PTPRT: variants seen among roughly 807,000 people sequenced by gnomAD.
PTPRT encodes protein tyrosine phosphatase receptor type T.
PTPRT carries 56 observed loss-of-function variants against 176.8 expected under a neutral mutation model. The ratio of observed to expected loss-of-function variants is 0.32; its 90% CI spans 0.26 to 0.40. The LOEUF is 0.40. PTPRT is among the 10% of genes least tolerant of loss of function. The pLI, the probability that PTPRT is intolerant of heterozygous loss-of-function variation, is 1.00. For synonymous variants in PTPRT, 783 were observed against 739.0 expected (o/e 1.06, Z -0.96); for missense variants, 1,540 against 1,908.2 (o/e 0.81, Z 3.60).
intron 1 of PTPRT, among the ~76,000 whole-genome samples, chr20:43,083,521 G>T (rs1408979168): frequency 6.6e-6 from 1 of 150,914 alleles, no homozygotes; most frequent in Non-Finnish European, 1.5e-5. Flanking sequence ...ACACCTGCCT[G>T]GCTCATTTTT....
chr20:43,059,534 C>A (rs916384660), intron 1 of PTPRT, among the ~76,000 whole-genome samples: 1 of 152,218 alleles, frequency 6.6e-6, no homozygotes, highest in African/African-American at 2.4e-5. Flanking sequence ...ACGTGGCTCT[C>A]ATCTCCAACT....
chr20:42,867,997 T>C (rs1451977582), intron 2 of PTPRT, among the ~76,000 whole-genome samples: 12 of 152,154 alleles, frequency 7.9e-5, no homozygotes, highest in Non-Finnish European at 1.6e-4. Context: ...ATCACACATT[T>C]TGTGGCATTT....
chr20:42,366,828 G>C (rs1203167867), intron 9 of PTPRT, among the ~76,000 whole-genome samples: 1 of 152,218 alleles, frequency 6.6e-6, no homozygotes, highest in Non-Finnish European at 1.5e-5. Flanking sequence ...GGATTGCAGA[G>C]TAAAACCCAC....
At chr20:42,518,027 A>G (rs979759707) in intron 7 of PTPRT, among the ~76,000 whole-genome samples, 1 of 151,986 alleles carries the variant, frequency 6.6e-6, no homozygotes, top group African/African-American at 2.4e-5. Flanking sequence ...GAATATATTA[A>G]TATTGCTTAT....
rs16986710 is a variant in PTPRT at position 42,244,798 on chromosome 20, C to T, written c.2312+3889G>A. On this transcript the variant is annotated intron_variant, in intron 14 of 30. Coordinates refer to ENST00000373187, the MANE Select transcript of PTPRT (RefSeq NM_007050.6). Reference sequence around the variant, plus strand: ...TTCTCATATGTGAGTGGCTAATGAACACTTTCAACTATTGAGACATGCTGG... The same window carrying T: ...TTCTCATATGTGAGTGGCTAATGAATACTTTCAACTATTGAGACATGCTGG... 7.4e-3 allele frequency among the ~76,000 whole-genome samples: 1,130 copies of T among 152,332 alleles called. 9 individuals carry two copies. The highest frequency in any genetic ancestry group is 9.9e-3 in the Admixed American group (151 of 15,302).
At chr20:42,663,576 C>G (rs967799496) in intron 7 of PTPRT, among the ~76,000 whole-genome samples, 2 of 152,102 alleles carry the variant, frequency 1.3e-5, no homozygotes, top group African/African-American at 4.8e-5. Flanking sequence ...GGCTCATGTG[C>G]TCTTTTTGAA....
chr20:42,786,609 T>A lies in PTPRT; in HGVS notation c.486+4586A>T, dbSNP rs78410438. Among the ~76,000 whole-genome samples the A allele has an allele frequency of 1.4e-4, 21 of 152,144 alleles. 1 individual carries two copies. The highest frequency in any genetic ancestry group is 4.8e-4 in the African/African-American group (20 of 41,412). ...CATAGGGGGTACTCCAGAAATGTCC[T>A]TTCCCCCCATGCCTCATCCAAAAGC... On this transcript the variant is annotated intron_variant, in intron 3 of 30. Coordinates refer to ENST00000373187, the MANE Select transcript of PTPRT (RefSeq NM_007050.6).
At chr20:42,053,371 C>G in the PTPRT span, among the ~76,000 whole-genome samples, 1 of 152,132 alleles carries the variant, frequency 6.6e-6, no homozygotes, top group Admixed American at 6.5e-5. Flanking sequence ...CTTCCCAGCC[C>G]AGGATGCCTT....
chr20:42,455,977 A>G (rs865967136), intron 8 of PTPRT, among the ~76,000 whole-genome samples: 1 of 152,136 alleles, frequency 6.6e-6, no homozygotes, highest in Admixed American at 6.5e-5. Flanking sequence ...TTTGAATTTT[A>G]GTTGCATGTA....
At chr20:42,100,236 C>T (rs186959811) in intron 26 of PTPRT, among the ~76,000 whole-genome samples, 182 of 152,334 alleles carry the variant, frequency 1.2e-3, no homozygotes, top group Admixed American at 2.5e-3. Context: ...CCTGACAAAG[C>T]CTTATCTGAA....
intron 6 of PTPRT, chr20:42,687,625 A>C (rs2075720609): frequency 6.6e-6 from 1 of 152,194 alleles, no homozygotes; most frequent in Non-Finnish European, 1.5e-5. Context: ...CTGGATTCTA[A>C]AGCTTTGGAA....
intron 7 of PTPRT, among the ~76,000 whole-genome samples, chr20:42,506,225 A>C (rs1299339555): frequency 6.6e-6 from 1 of 152,212 alleles, no homozygotes; most frequent in Non-Finnish European, 1.5e-5. Flanking sequence ...TACATTTATC[A>C]ATAAGTATGT....
In PTPRT at chr20:42,217,418, C is replaced by T. The variant is rs2055802044; in HGVS notation, c.2343-18030G>A. 4.5e-5 allele frequency among the ~76,000 whole-genome samples: 4 copies of T among 89,868 alleles called. No homozygotes were observed. In the South Asian group the frequency reaches 1.3e-3, roughly 28 times the overall value. The allele number at this position is 89,868 out of a possible 152,430, so 59.0% of individuals were successfully genotyped here. On this transcript the variant is annotated intron_variant, in intron 15 of 30. Coordinates refer to ENST00000373187, the MANE Select transcript of PTPRT (RefSeq NM_007050.6). Reference sequence around the variant, plus strand: ...ACACACACACACACACACACACACACACACACAGAACATTACGTCCATCCC... The same window carrying T: ...ACACACACACACACACACACACACATACACACAGAACATTACGTCCATCCC...
intron 1 of PTPRT, chr20:42,966,347 T>C (rs1017083383): frequency 4.6e-5 from 7 of 152,244 alleles, no homozygotes; most frequent in Admixed American, 4.6e-4. Context: ...TAATATTTCA[T>C]AAACTTATCG....
the PTPRT span, among the ~76,000 whole-genome samples, chr20:42,059,943 G>A: frequency 9.9e-5 from 15 of 152,220 alleles, no homozygotes; most frequent in Middle Eastern, 6.8e-3. Context: ...ATGGAGCAGG[G>A]GGGAGTTGGA....
chr20:42,359,767 G>A (rs769188681), intron 9 of PTPRT, among the ~76,000 whole-genome samples: 1 of 152,248 alleles, frequency 6.6e-6, no homozygotes, highest in Non-Finnish European at 1.5e-5. Flanking sequence ...CAGCCTGCAG[G>A]CTTGGTTGGC....
At chr20:42,652,619 C>T (rs2075052713) in intron 7 of PTPRT, among the ~76,000 whole-genome samples, 1 of 152,168 alleles carries the variant, frequency 6.6e-6, no homozygotes, top group African/African-American at 2.4e-5. Context: ...CTACTCATCA[C>T]ATTCCTTTCT....
intron 15 of PTPRT, among the ~76,000 whole-genome samples, chr20:42,227,871 A>G (rs2146820917): frequency 6.6e-6 from 1 of 152,140 alleles, no homozygotes; most frequent in East Asian, 1.9e-4. Flanking sequence ...GGCCTCCCAA[A>G]GTGCTGGGAT....
chr20:43,189,653 G>T lies in PTPRT; in HGVS notation c.81C>A (p.Ser27Arg). ...LPPLPGARAQ[S>R]AAGGCSFDEH... ...CCGGGCGGGCGCACTCACCTGCGGC[G>T]CTCTGAGCCCGGGCGCCGGGCAGTG... The change falls in exon 1 of 31, where the codon AGC becomes AGA. Residue 27 changes from serine (S) to arginine (R), a missense_variant. By Grantham distance (110) the Ser-to-Arg change is moderately radical (BLOSUM62 -1). Coordinates refer to ENST00000373187, the MANE Select transcript of PTPRT (RefSeq NM_007050.6). The surrounding 1 kb of genome is among the most constrained non-coding windows in gnomAD (Gnocchi z 5.0). The T allele has an allele frequency of 7.7e-7, 1 of 1,304,082 alleles. No individual in the cohort carries two copies. The highest frequency in any genetic ancestry group is 9.7e-7 in the Non-Finnish European group (1 of 1,027,484). The allele number at this position is 1,304,082 out of a possible 1,614,324, so 80.8% of individuals were successfully genotyped here. A position where few individuals can be genotyped will look rare whatever the true frequency, so the allele number is the denominator to read the frequency against.
Sources: allele counts gnomAD v4.1 joint callset (sites outside exome capture counted in the v4.1 genomes callset), GRCh38; gene constraint gnomAD v4.1.1; non-coding constraint Gnocchi (gnomAD v3.1); transcripts MANE v1.5; gene names NCBI Gene and HGNC (gene_info 2026-07-23, HGNC 2026-07-21).